RERE: variants seen among roughly 807,000 people sequenced by gnomAD.
RERE encodes arginine-glutamic acid dipeptide repeats, also known as arginine-glutamic acid dipeptide repeats protein.
Under a neutral mutation model 146.1 loss-of-function variants are expected in RERE, and 40 were observed. The observed-to-expected ratio is 0.27, with a 90% CI of 0.21 to 0.36. The LOEUF is 0.36. Ranked by LOEUF, RERE falls within the 10% of genes least tolerant of loss-of-function variation. The pLI is 1.00. For synonymous variants in RERE, 1,003 were observed against 866.0 expected, an observed-to-expected ratio of 1.16 and a Z score of -2.78; for missense variants, 1,933 against 2,138.7, an observed-to-expected ratio of 0.90 and a Z score of 1.90.
intron 11 of RERE, among the ~76,000 whole-genome samples, chr1:8,431,449 T>C (rs922259084): frequency 6.6e-6 from 1 of 152,246 alleles, no homozygotes; most frequent in African/African-American, 2.4e-5. Context: ...TCAGGGCTCC[T>C]ACTGATTCTA....
chr1:8,415,061 T>TA (rs1194942776), intron 12 of RERE, among the ~76,000 whole-genome samples: 2 of 152,212 alleles, frequency 1.3e-5, no homozygotes, highest in Non-Finnish European at 2.9e-5. Flanking sequence ...TTTTGAAACT[T>TA]AGTTTTAATG....
At chr1:8,587,418 A>G (rs577851257) in intron 4 of RERE, among the ~76,000 whole-genome samples, 6 of 152,334 alleles carry the variant, frequency 3.9e-5, no homozygotes, top group African/African-American at 1.4e-4. Flanking sequence ...ACTGTTCCCT[A>G]TCTACAATAC....
intron 10 of RERE, among the ~76,000 whole-genome samples, chr1:8,480,381 G>A (rs1438567281): frequency 5.4e-5 from 8 of 149,180 alleles, no homozygotes; most frequent in East Asian, 2.0e-4. Flanking sequence ...GTCGTGATCC[G>A]CCCGCCTTGG....
At chr1:8,591,118 A>G (rs780482037) in intron 4 of RERE, among the ~76,000 whole-genome samples, 1 of 152,214 alleles carries the variant, frequency 6.6e-6, no homozygotes, top group Non-Finnish European at 1.5e-5. Flanking sequence ...AGAAGGCTGC[A>G]AGAGATTTCT....
intron 4 of RERE, among the ~76,000 whole-genome samples, chr1:8,609,002 G>A (rs917717952): frequency 2.0e-5 from 3 of 152,050 alleles, no homozygotes; most frequent in African/African-American, 7.2e-5. Context: ...GAGATCACCT[G>A]AGGTCAGGAG....
At chr1:8,605,674 G>A (rs184844651) in intron 4 of RERE, among the ~76,000 whole-genome samples, 220 of 145,808 alleles carry the variant, frequency 1.5e-3, no homozygotes, top group African/African-American at 5.0e-3. Context: ...ACCTGAATCC[G>A]GGAGGCAGGT....
chr1:8,362,907 G>A, intron 15 of RERE, 63 bp from the exon 16 acceptor site: 8 of 1,552,646 alleles, frequency 5.2e-6, no homozygotes, highest in South Asian at 1.2e-5. Flanking sequence ...ACCCACCTGA[G>A]CCCAACCCAC....
chr1:8,630,559 T>C (rs1647023382), intron 2 of RERE, among the ~76,000 whole-genome samples: 1 of 152,122 alleles, frequency 6.6e-6, no homozygotes, highest in Non-Finnish European at 1.5e-5. Context: ...CTGTGAGGGG[T>C]ACTCATATTG....
rs753253093 is a variant in RERE at position 8,358,500 on chromosome 1, C to T, written c.4035G>A (p.Glu1345=). The part of the protein sequence containing the change: ...DPLHPAANPM[E]HFARHSALTI... ...TGAGGGCGCTGTGCCGGGCAAAGTG[C>T]TCCATGGGGTTGGCGGCTGGGTGCA... The change falls in exon 20 of 23, where the codon GAG becomes GAA. Residue 1345 remains glutamate (E), a synonymous_variant. Transcript: ENST00000400908. The T allele has an allele frequency of 2.5e-6, 4 of 1,589,682 alleles. No individual in the cohort carries two copies. The South Asian group carries it at 3.4e-5, about 14-fold the overall frequency.
At position 8,547,153 on chromosome 1, in the gene RERE, T is replaced by C. The variant is rs377422560; in HGVS notation, c.726-5835A>G. 8.7e-5 allele frequency among the ~76,000 whole-genome samples: 13 copies of C among 149,054 alleles called. No individual in the cohort carries two copies. The South Asian group carries it at 2.3e-3, about 27-fold the overall frequency. ...CAAATAACTAAAAAAGAGGGGAACA[T>C]ATATTAAAACATACTATAAAGCCTC... On this transcript the variant is annotated intron_variant, in intron 6 of 22. Transcript: ENST00000400908.
At chr1:8,745,857 C>T (rs1418125640) in intron 1 of RERE, among the ~76,000 whole-genome samples, 1 of 152,168 alleles carries the variant, frequency 6.6e-6, no homozygotes, top group Non-Finnish European at 1.5e-5. Context: ...ATCGCTTGAG[C>T]CCAGGAATTC....
chr1:8,378,301 C>CT (rs1279490059), intron 12 of RERE, among the ~76,000 whole-genome samples: 1 of 152,214 alleles, frequency 6.6e-6, no homozygotes, highest in Non-Finnish European at 1.5e-5. Context: ...GCCCTGGCTT[C>CT]TCTGTGCTCT....
chr1:8,536,169 C>G (rs1214953006), intron 7 of RERE, among the ~76,000 whole-genome samples: 2 of 151,610 alleles, frequency 1.3e-5, no homozygotes, highest in African/African-American at 4.8e-5. Context: ...GTAATTACTT[C>G]TGCAATTCCC....
chr1:8,799,749 AT>A (rs111643730), intron 1 of RERE, among the ~76,000 whole-genome samples: 352 of 144,966 alleles, frequency 2.4e-3, no homozygotes, highest in African/African-American at 4.4e-3. Context: ...TTTTTTTGTG[AT>A]TTTTTTTTTT....
intron 4 of RERE, among the ~76,000 whole-genome samples, chr1:8,601,016 A>ATTTT (rs1646616629): frequency 1.8e-5 from 1 of 55,136 alleles, no homozygotes; most frequent in African/African-American, 7.5e-5. Context: ...GGTCTCCCAA[A>ATTTT]CTTTTTTTTT....
intron 1 of RERE, among the ~76,000 whole-genome samples, chr1:8,780,994 G>A (rs1641153602): frequency 6.6e-6 from 1 of 151,762 alleles, no homozygotes; most frequent in African/African-American, 2.4e-5. Flanking sequence ...GGCCAAGGTA[G>A]AAGAATCACT....
chr1:8,678,572 A>C (rs1049253524), intron 1 of RERE, among the ~76,000 whole-genome samples: 3 of 151,984 alleles, frequency 2.0e-5, no homozygotes, highest in Non-Finnish European at 1.5e-5. Flanking sequence ...TCAGGAACCG[A>C]ATCGATTGAA....
chr1:8,395,400 G>A (rs1049692670), intron 12 of RERE, among the ~76,000 whole-genome samples: 3 of 151,762 alleles, frequency 2.0e-5, no homozygotes, highest in Non-Finnish European at 4.4e-5. Flanking sequence ...GCTTGAACCC[G>A]GGAGGCAGAG....
At chr1:8,522,348 G>A (rs760329140) in intron 7 of RERE, among the ~76,000 whole-genome samples, 17 of 152,170 alleles carry the variant, frequency 1.1e-4, no homozygotes, top group South Asian at 2.1e-4. Context: ...AAGACAACTC[G>A]GTTGAGTAAC....
Sources: gnomAD v4.1 joint callset for allele counts (sites outside exome capture counted in the v4.1 genomes callset) on GRCh38, gnomAD v4.1.1 for gene constraint, MANE v1.5 for transcripts, NCBI Gene and HGNC (gene_info 2026-07-23, HGNC 2026-07-21) for gene names.